Variants in PTPRD observed in about 807,000 individuals in gnomAD.
PTPRD encodes the protein protein tyrosine phosphatase receptor type D, also known as receptor-type tyrosine-protein phosphatase delta.
Under a neutral mutation model 214.5 loss-of-function variants are expected in PTPRD, and 34 were observed. That is an observed-to-expected ratio of 0.16 (90% CI 0.12 to 0.21). The LOEUF is 0.21. PTPRD is among the 10% of genes least tolerant of loss of function. The pLI is 1.00. For synonymous variants in PTPRD, 1,128 were observed against 845.7 expected, an observed-to-expected ratio of 1.33 and a Z score of -5.79; for missense variants, 2,545 against 2,398.7, an observed-to-expected ratio of 1.06 and a Z score of -1.27.
At chr9:10,290,307 G>C (rs962141433) in intron 3 of PTPRD, among the ~76,000 whole-genome samples, 3 of 152,064 alleles carry the variant, frequency 2.0e-5, no homozygotes, top group Non-Finnish European at 2.9e-5. Flanking sequence ...TCCCAGAACT[G>C]TTGACAAAGA....
chr9:8,615,188 A>AT (rs2095570506), intron 14 of PTPRD, among the ~76,000 whole-genome samples: 1 of 152,098 alleles, frequency 6.6e-6, no homozygotes, highest in Non-Finnish European at 1.5e-5. Flanking sequence ...TTCAAAGGCT[A>AT]TATTATTCTC....
intron 3 of PTPRD, among the ~76,000 whole-genome samples, chr9:10,273,303 T>C (rs1456175095): frequency 1.3e-5 from 2 of 152,156 alleles, no homozygotes; most frequent in Admixed American, 6.5e-5. Context: ...ATGGGGTACA[T>C]ATTAGATTGT....
chr9:9,244,238 T>A (rs2099971825), intron 9 of PTPRD, among the ~76,000 whole-genome samples: 1 of 152,038 alleles, frequency 6.6e-6, no homozygotes, highest in Admixed American at 6.6e-5. Flanking sequence ...TTCAATGCCA[T>A]CCCCATCTAG....
chr9:9,717,764 C>T (rs2097859301), intron 7 of PTPRD, among the ~76,000 whole-genome samples: 1 of 152,140 alleles, frequency 6.6e-6, no homozygotes, highest in African/African-American at 2.4e-5. Context: ...TTAATCTTAG[C>T]AAGGTAAACC....
intron 5 of PTPRD, among the ~76,000 whole-genome samples, chr9:9,774,835 G>A (rs1162254296): frequency 1.3e-5 from 2 of 152,138 alleles, no homozygotes; most frequent in African/African-American, 2.4e-5. Flanking sequence ...TCTCCAGGAG[G>A]GTTAATCGTT....
intron 11 of PTPRD, among the ~76,000 whole-genome samples, chr9:8,859,013 C>T (rs891680696): frequency 1.3e-5 from 2 of 152,172 alleles, no homozygotes; most frequent in African/African-American, 4.8e-5. Context: ...AAATGCTGGT[C>T]GCGCCCTATT....
At chr9:9,211,080 A>AGT (rs142322627) in intron 9 of PTPRD, among the ~76,000 whole-genome samples, 18,788 of 150,742 alleles carry the variant, frequency 0.12, 1,300 homozygotes, top group Middle Eastern at 0.16. Context: ...CATGTGTGTG[A>AGT]GTGTGTGTGT....
chr9:8,575,426 G>A (rs1036929752), intron 14 of PTPRD, among the ~76,000 whole-genome samples: 2 of 152,008 alleles, frequency 1.3e-5, no homozygotes, highest in Admixed American at 1.3e-4. Context: ...GTACGGAGTG[G>A]CCAATGTACT....
chr9:8,579,621 C>G (rs771693095), intron 14 of PTPRD, among the ~76,000 whole-genome samples: 1 of 152,048 alleles, frequency 6.6e-6, no homozygotes. Context: ...TAGTTGCAAA[C>G]CAAAGTATTT....
At chr9:8,395,611 A>G (rs1361718273) in intron 36 of PTPRD, among the ~76,000 whole-genome samples, 1 of 151,900 alleles carries the variant, frequency 6.6e-6, no homozygotes. Flanking sequence ...AGTCTTTCCA[A>G]GTTTCTACAA....
At chr9:9,672,432 G>T (rs571175049) in intron 7 of PTPRD, among the ~76,000 whole-genome samples, 2 of 152,110 alleles carry the variant, frequency 1.3e-5, no homozygotes, top group East Asian at 3.9e-4. Context: ...ATCAACTAAT[G>T]TAATAATCAA....
chr9:9,487,199 A>G (rs1402925578), intron 8 of PTPRD, among the ~76,000 whole-genome samples: 2 of 151,902 alleles, frequency 1.3e-5, no homozygotes, highest in Admixed American at 1.3e-4. Flanking sequence ...TCCTAATGCT[A>G]TCCCTCCCCC....
At chr9:8,996,670 T>C (rs1217314045) in intron 11 of PTPRD, among the ~76,000 whole-genome samples, 2 of 152,098 alleles carry the variant, frequency 1.3e-5, no homozygotes, top group Non-Finnish European at 2.9e-5. Context: ...CAGCACCTTC[T>C]GGCTATGTCC....
intron 7 of PTPRD, among the ~76,000 whole-genome samples, chr9:9,703,953 C>T (rs964234143): frequency 6.6e-6 from 1 of 152,146 alleles, no homozygotes; most frequent in Non-Finnish European, 1.5e-5. Flanking sequence ...GGCATAACCA[C>T]CACTCACTGC....
intron 10 of PTPRD, among the ~76,000 whole-genome samples, chr9:9,059,304 T>A (rs552451559): frequency 6.6e-6 from 1 of 152,252 alleles, no homozygotes; most frequent in South Asian, 2.1e-4. Context: ...AAATGGCCCA[T>A]AATATGGCTC....
At position 8,316,938 on chromosome 9, in the gene PTPRD, C is replaced by T. The variant is rs757808920; in HGVS notation, c.*936G>A. Reference sequence around the variant, plus strand: ...TCTATTTTTTGTGTGGACACACTGTCTATATATACATAGACACCCTTATAA... The same window carrying T: ...TCTATTTTTTGTGTGGACACACTGTTTATATATACATAGACACCCTTATAA... On this transcript the variant is annotated 3_prime_UTR_variant, in exon 46 of 46. Transcript: ENST00000381196. The T allele has an allele frequency of 4.3e-6, 1 of 231,362 alleles. No homozygotes were observed. Among genetic ancestry groups the T allele is most frequent in the Non-Finnish European group, 8.6e-6 (1 of 116,608 alleles). 14.3% of individuals were successfully genotyped at this position (231,362 alleles called of 1,614,324 possible). A position where few individuals can be genotyped will look rare whatever the true frequency, so the allele number is the denominator to read the frequency against.
chr9:10,508,637 C>T (rs544319428), intron 2 of PTPRD, among the ~76,000 whole-genome samples: 1 of 152,204 alleles, frequency 6.6e-6, no homozygotes. Context: ...GAGTTGATGT[C>T]CTTTGTAGGG....
intron 5 of PTPRD, among the ~76,000 whole-genome samples, chr9:9,769,529 T>A (rs1399034089): frequency 6.6e-6 from 1 of 151,926 alleles, no homozygotes; most frequent in Admixed American, 6.6e-5. Flanking sequence ...GGTTTCACCG[T>A]GTTAGCCAGG....
chr9:8,774,247 G>A (rs549174890), intron 11 of PTPRD, among the ~76,000 whole-genome samples: 7 of 91,920 alleles, frequency 7.6e-5, no homozygotes, highest in South Asian at 4.3e-4. Flanking sequence ...TTCCTTCAAC[G>A]TCCGGATATC....
Sources: gnomAD v4.1 joint callset for allele counts (sites outside exome capture counted in the v4.1 genomes callset) on GRCh38, gnomAD v4.1.1 for gene constraint, MANE v1.5 for transcripts, NCBI Gene and HGNC (gene_info 2026-07-23, HGNC 2026-07-21) for gene names.